The following MPRIP variants were observed in gnomAD, a reference collection of about 807,000 sequenced individuals.
MPRIP encodes myosin phosphatase Rho-interacting protein.
In MPRIP, 59 loss-of-function variants were observed where a neutral mutation model predicts 234.9. That is an observed-to-expected ratio of 0.25 (90% confidence interval 0.20 to 0.31). The LOEUF is 0.31. Ranked by LOEUF, MPRIP falls within the 10% of genes least tolerant of loss-of-function variation. The pLI, the probability that MPRIP is intolerant of heterozygous loss-of-function variation, is 1.00. For missense variants in MPRIP, 2,436 were observed against 3,071.0 expected (o/e 0.79, Z 4.89); for synonymous variants, 1,144 against 1,263.9 (o/e 0.91, Z 2.01).
intron 1 of MPRIP, among the ~76,000 whole-genome samples, chr17:17,049,866 T>C (rs2088477518): frequency 6.6e-6 from 1 of 152,160 alleles, no homozygotes; most frequent in South Asian, 2.1e-4. Context: ...CATAGGAAAT[T>C]TTAAATTTTC....
intron 3 of MPRIP, among the ~76,000 whole-genome samples, chr17:17,107,303 C>T (rs1210510897): frequency 1.3e-5 from 2 of 152,224 alleles, no homozygotes; most frequent in African/African-American, 4.8e-5. Flanking sequence ...GTGACAAAGT[C>T]ACTGAAGACA....
rs565982703 is a variant in MPRIP, at chr17:17,048,292, C to A, written c.123+5321C>A. On this transcript the variant is annotated intron_variant, in intron 1 of 23. Transcript: ENST00000651222. ...GTGCCCATACCCCACTGCCAAGGCT[C>A]CAAAGCTGCGGGGGCCTCAGGTGGG... Among the ~76,000 whole-genome samples, 7 of 152,218 alleles carry A rather than the reference C, an allele frequency of 4.6e-5. No homozygotes were observed. In the East Asian group the frequency reaches 1.3e-3, roughly 29 times the overall value.
chr17:17,113,450 CCATAGTATAGCA>C (rs2090213646), intron 3 of MPRIP, among the ~76,000 whole-genome samples: 1 of 152,210 alleles, frequency 6.6e-6, no homozygotes, highest in African/African-American at 2.4e-5. Context: ...CAAGATTCAT[CCATAGTATAGCA>C]CATACCAGAA....
At chr17:17,174,585 C>T (rs1473495484) in intron 19 of MPRIP, among the ~76,000 whole-genome samples, 2 of 152,114 alleles carry the variant, frequency 1.3e-5, no homozygotes, top group Non-Finnish European at 2.9e-5. Flanking sequence ...GCCTGTAATC[C>T]CAGCGCTTTG....
Position 17,189,495 on chromosome 17 carries a change from A to G in MPRIP, c.*4601A>G, listed in dbSNP as rs1226085483. On this transcript the variant is annotated 3_prime_UTR_variant, in exon 24 of 24. Transcript: ENST00000651222. The stretch of plus-strand genomic sequence containing the variant: ...TGAGCCACCACGCCTGGCCTATAAG[A>G]TACGGTAAAAAAAAAAAACTGTGAC... 2 of 116,870 alleles carry G rather than the reference A, an allele frequency of 1.7e-5. No homozygotes were observed. The highest frequency in any genetic ancestry group is 4.0e-5 in the Non-Finnish European group (2 of 49,410). The allele number at this position is 116,870 out of a possible 1,614,324, so 7.2% of individuals were successfully genotyped here.
intron 3 of MPRIP, among the ~76,000 whole-genome samples, chr17:17,104,492 G>A (rs1394071275): frequency 6.6e-6 from 1 of 152,144 alleles, no homozygotes; most frequent in East Asian, 1.9e-4. Context: ...GGGTGGCCGT[G>A]TCTTTCATCC....
At chr17:17,179,642 A>T (rs2046331401) in intron 22 of MPRIP, 1 of 188,222 alleles carries the variant, frequency 5.3e-6, no homozygotes, top group Non-Finnish European at 1.1e-5. Context: ...TGCTACCAGG[A>T]GGAAGGTAGA....
intron 2 of MPRIP, 81 bp downstream of exon 2, chr17:17,075,868 A>G (rs2089316691): frequency 7.3e-7 from 1 of 1,376,876 alleles, no homozygotes; most frequent in African/African-American, 1.4e-5. Context: ...TGGAAGAGGG[A>G]GATGGAGAGT....
At chr17:17,139,698 T>A (rs1393687846) in intron 7 of MPRIP, among the ~76,000 whole-genome samples, 1 of 152,128 alleles carries the variant, frequency 6.6e-6, no homozygotes. Flanking sequence ...CACCCACTCT[T>A]CCAAACGTCC....
chr17:17,175,156 A>T, intron 19 of MPRIP, 137 bp from the exon 20 acceptor site: 1 of 1,256,840 alleles, frequency 8.0e-7, no homozygotes, highest in Non-Finnish European at 1.1e-6. Context: ...GAAAGGAATT[A>T]AGGGTTATCG....
intron 3 of MPRIP, among the ~76,000 whole-genome samples, chr17:17,103,121 G>A (rs1315670114): frequency 3.3e-5 from 5 of 152,210 alleles, no homozygotes; most frequent in African/African-American, 4.8e-5. Context: ...GTGGTGGAGC[G>A]AGTACTGGAC....
chr17:17,167,856 C>G lies in MPRIP; in HGVS notation c.6265C>G (p.Leu2089Val). Residue 2089 changes from leucine to valine, a missense_variant, in exon 16 of 24, where the codon CTG becomes GTG. Around this residue, in one of 4 missense-constraint regions of MPRIP, gnomAD observed 1,998 missense variants for 2,520.3 expected, o/e 0.79. Coordinates refer to ENST00000651222, the MANE Select transcript of MPRIP (RefSeq NM_001364716.4). The surrounding 1 kb of genome is among the most constrained non-coding windows in gnomAD (Gnocchi z 5.9). The stretch of plus-strand genomic sequence containing the variant: ...GCGGGAGGAGCTGGGACACAAGGAC[C>G]TGGAGGGCGACGCGGCCACACTGCG... ...VMREELGHKD[L>V]EGDAATLREK... 7.7e-7 allele frequency: 1 copy of G among 1,304,242 alleles called. No homozygotes were observed. Among genetic ancestry groups the G allele is most frequent in the Non-Finnish European group, 1.0e-6 (1 of 988,966 alleles). 80.8% of individuals were successfully genotyped at this position (1,304,242 alleles called of 1,614,324 possible).
At chr17:17,068,529 C>G (rs1021865218) in intron 1 of MPRIP, among the ~76,000 whole-genome samples, 1 of 144,608 alleles carries the variant, frequency 6.9e-6, no homozygotes. Flanking sequence ...CTACCTTTAT[C>G]TTTTTTTTTT....
chr17:17,140,862 G>A (rs567340213), intron 7 of MPRIP, among the ~76,000 whole-genome samples: 8 of 152,280 alleles, frequency 5.3e-5, no homozygotes, highest in Admixed American at 2.6e-4. Flanking sequence ...TCAGCACAGC[G>A]GTTAGTGCCC....
intron 14 of MPRIP, 37 bp from the exon 15 acceptor site, chr17:17,161,203 T>C (rs2045857658): frequency 4.1e-6 from 6 of 1,475,850 alleles, no homozygotes; most frequent in Non-Finnish European, 5.6e-6. Context: ...TTTATCATTG[T>C]CATTTTGCAT....
chr17:17,089,760 G>A (rs143545966), intron 3 of MPRIP, among the ~76,000 whole-genome samples: 89 of 152,262 alleles, frequency 5.8e-4, no homozygotes, highest in African/African-American at 2.0e-3. Context: ...CACCACCTAG[G>A]TATCAGCATC....
At position 17,143,582 on chromosome 17, in the gene MPRIP, T is replaced by C; in HGVS notation, c.1416T>C (p.Ala472=). Residue 472 remains alanine, a synonymous_variant, in exon 9 of 24, where the codon GCT becomes GCC. Coordinates refer to ENST00000651222, the MANE Select transcript of MPRIP (RefSeq NM_001364716.4). The stretch of plus-strand genomic sequence containing the variant: ...ACTTCACCAATGAAGCCCCCCCAGC[T>C]CCTCTCCCAGACGCCTCGGCTTCCC... ...KRDFTNEAPP[A]PLPDASASPL... The C allele has an allele frequency of 6.2e-7, 1 of 1,600,962 alleles. No homozygotes were observed. Among genetic ancestry groups the C allele is most frequent in the Non-Finnish European group, 8.5e-7 (1 of 1,174,116 alleles).
At chr17:17,104,574 C>T (rs1211563462) in intron 3 of MPRIP, among the ~76,000 whole-genome samples, 6 of 152,136 alleles carry the variant, frequency 3.9e-5, no homozygotes, top group African/African-American at 1.2e-4. Context: ...ACCGTTTCTC[C>T]GTCCTTCCTT....
intron 3 of MPRIP, among the ~76,000 whole-genome samples, chr17:17,107,048 A>G (rs1265436698): frequency 1.3e-5 from 2 of 152,242 alleles, no homozygotes; most frequent in East Asian, 3.8e-4. Flanking sequence ...ACTTAATGTC[A>G]TACCCCTTTC....
Sources: allele counts gnomAD v4.1 joint callset (sites outside exome capture counted in the v4.1 genomes callset), GRCh38; gene constraint gnomAD v4.1.1; regional missense constraint gnomAD v4.1.1; non-coding constraint Gnocchi (gnomAD v3.1); transcripts MANE v1.5; gene names NCBI Gene and HGNC (gene_info 2026-07-23, HGNC 2026-07-21).